Variants in ADAM22 observed in about 807,000 individuals in gnomAD.
The protein encoded by ADAM22 is ADAM metallopeptidase domain 22, also known as disintegrin and metalloproteinase domain-containing protein 22.
A neutral mutation model predicts 144.6 loss-of-function variants in ADAM22; 65 were observed. The observed-to-expected ratio is 0.45, with a 90% CI of 0.37 to 0.55. The LOEUF (loss-of-function observed/expected upper bound fraction) is 0.55. Ranked by LOEUF, ADAM22 falls within the 20% of genes least tolerant of loss-of-function variation. ADAM22 has a pLI of 0.00. For missense variants in ADAM22, 974 were observed against 1,184.9 expected (o/e 0.82, Z 2.61); for synonymous variants, 391 against 412.6 (o/e 0.95, Z 0.63).
At chr7:87,945,793 G>A (rs991626788) in intron 2 of ADAM22, among the ~76,000 whole-genome samples, 15 of 152,248 alleles carry the variant, frequency 9.9e-5, no homozygotes, top group African/African-American at 2.9e-4. Context: ...GATTACAGGC[G>A]TGAACCACCA....
At chr7:87,983,023 C>A (rs1365466129) in intron 3 of ADAM22, among the ~76,000 whole-genome samples, 3 of 151,842 alleles carry the variant, frequency 2.0e-5, no homozygotes, top group Non-Finnish European at 2.9e-5. Flanking sequence ...TTTTTGAAAA[C>A]AATCTCTTCT....
intron 2 of ADAM22, among the ~76,000 whole-genome samples, chr7:87,946,013 T>C (rs115377773): frequency 1.1e-3 from 162 of 152,312 alleles, no homozygotes; most frequent in African/African-American, 3.6e-3. Context: ...TGTGTAAGTG[T>C]TCCCTTTTCT....
chr7:87,976,873 T>C (rs1478626429), intron 2 of ADAM22, among the ~76,000 whole-genome samples: 3 of 151,162 alleles, frequency 2.0e-5, no homozygotes, highest in African/African-American at 2.4e-5. Context: ...TTTATTTCTT[T>C]TTTTTTTTTT....
intron 26 of ADAM22, among the ~76,000 whole-genome samples, chr7:88,176,755 CTTATTTTAT>C (rs768954297): frequency 1.3e-5 from 2 of 151,968 alleles, no homozygotes; most frequent in Admixed American, 6.6e-5. Flanking sequence ...TTATTTTTTA[CTTATTTTAT>C]TTATTTTATT....
At chr7:87,955,272 C>G (rs1455653347) in intron 2 of ADAM22, among the ~76,000 whole-genome samples, 2 of 152,114 alleles carry the variant, frequency 1.3e-5, no homozygotes, top group Non-Finnish European at 2.9e-5. Flanking sequence ...GTTTTATCTA[C>G]TTTTGGTCTT....
Position 88,149,054 on chromosome 7 carries a change from C to G in ADAM22, c.1563C>G (p.Ser521Arg). The G allele has an allele frequency of 6.2e-7, 1 of 1,610,704 alleles. No individual in the cohort carries two copies. Among genetic ancestry groups the G allele is most frequent in the Non-Finnish European group, 8.5e-7 (1 of 1,177,720 alleles). ...GTGAAACGTGCTCAGGAAATTCAAG[C>G]CAGGTAATTTACAAAATAACTGCTC... ...DIRETCSGNS[S>R]QCAPNIHKMD... The change falls in exon 18 of 32, where the codon AGC (serine) becomes AGG (arginine). Residue 521 changes from serine (S) to arginine (R), a missense_variant. Ser to Arg is a moderately radical substitution (Grantham distance 110). Transcript: ENST00000413139.
chr7:88,051,244 A>G (rs979845414), intron 3 of ADAM22, among the ~76,000 whole-genome samples: 5 of 152,362 alleles, frequency 3.3e-5, no homozygotes, highest in African/African-American at 9.6e-5. Context: ...ATAAAGACAC[A>G]TGCACATGTA....
At chr7:88,047,770 T>G (rs1317640231) in intron 3 of ADAM22, among the ~76,000 whole-genome samples, 1 of 152,146 alleles carries the variant, frequency 6.6e-6, no homozygotes, top group Non-Finnish European at 1.5e-5. Context: ...TAGCGGGATC[T>G]TTCACAAAAA....
intron 3 of ADAM22, among the ~76,000 whole-genome samples, chr7:88,065,903 CTA>C (rs1219852133): frequency 2.6e-5 from 4 of 152,082 alleles, no homozygotes; most frequent in Non-Finnish European, 2.9e-5. Context: ...CTACAAAACT[CTA>C]TGCTCACAGC....
intron 3 of ADAM22, among the ~76,000 whole-genome samples, chr7:87,996,301 CAG>C (rs1791214249): frequency 6.6e-6 from 1 of 152,192 alleles, no homozygotes; most frequent in African/African-American, 2.4e-5. Flanking sequence ...AGCTTAAAAA[CAG>C]AAATGTATTC....
At position 88,153,234 on chromosome 7, in the gene ADAM22, A is replaced by G; in HGVS notation, c.1695A>G (p.Ser565=). 6.2e-7 allele frequency: 1 copy of G among 1,613,252 alleles called. No homozygotes were observed. ...KYIWGQKVTA[S]DKYCYEKLNI... ...TTTCTGCCTTAGAGGTGACAGCATC[A>G]GACAAATATTGCTATGAGAAACTGA... is the stretch of plus-strand genomic sequence containing the variant. Residue 565 remains serine, a synonymous_variant, in exon 21 of 32, where the codon TCA becomes TCG. Transcript: ENST00000413139.
At chr7:88,145,731 G>T (rs1273017060) in intron 17 of ADAM22, among the ~76,000 whole-genome samples, 2 of 152,146 alleles carry the variant, frequency 1.3e-5, no homozygotes, top group African/African-American at 4.8e-5. Context: ...TGGTTAAGTA[G>T]TTTGCCCAAG....
intron 7 of ADAM22, among the ~76,000 whole-genome samples, chr7:88,120,140 G>A (rs1259143185): frequency 1.3e-5 from 2 of 151,854 alleles, no homozygotes; most frequent in Admixed American, 6.6e-5. Flanking sequence ...TGCTGGTGCT[G>A]GAATCACACT....
chr7:88,108,543 A>T (rs2129487805), intron 5 of ADAM22, among the ~76,000 whole-genome samples: 1 of 152,216 alleles, frequency 6.6e-6, no homozygotes, highest in East Asian at 1.9e-4. Flanking sequence ...AGCCCAGCCA[A>T]CATGGTGAAA....
At chr7:87,980,046 T>G (rs150393508) in intron 3 of ADAM22, among the ~76,000 whole-genome samples, 3,284 of 152,252 alleles carry the variant, frequency 0.022, 71 homozygotes, top group South Asian at 0.068. Context: ...TCACTTACTT[T>G]GGAGACATCC....
At chr7:88,072,965 T>C (rs17339970) in intron 3 of ADAM22, among the ~76,000 whole-genome samples, 56,302 of 152,068 alleles carry the variant, frequency 0.37, 11,638 homozygotes, top group South Asian at 0.61. Context: ...TATAAGCCCT[T>C]GGAAATTTGT....
At chr7:88,007,338 G>T (rs1398627296) in intron 3 of ADAM22, among the ~76,000 whole-genome samples, 2 of 152,168 alleles carry the variant, frequency 1.3e-5, no homozygotes, top group Non-Finnish European at 2.9e-5. Context: ...GTAATTTATA[G>T]ATTCAATGCC....
Position 88,199,329 on chromosome 7 carries a change from A to C in ADAM22, c.*2838A>C, listed in dbSNP as rs1850984022. On this transcript the variant is annotated 3_prime_UTR_variant, in exon 32 of 32. Coordinates refer to ENST00000413139, the MANE Select transcript of ADAM22 (RefSeq NM_001324418.2). ...TGCCTTTTTCCCCTCTTCCAGTTTT[A>C]TGCATTGATAAGACTACAGATTGGC... The C allele has an allele frequency of 6.6e-6, 1 of 152,150 alleles. No individual in the cohort carries two copies. The highest frequency in any genetic ancestry group is 1.5e-5 in the Non-Finnish European group (1 of 68,042). The allele number at this position is 152,150 out of a possible 1,614,324, so 9.4% of individuals were successfully genotyped here. A position where few individuals can be genotyped will look rare whatever the true frequency, so the allele number is the denominator to read the frequency against.
Position 88,199,392 on chromosome 7 carries a change from T to C in ADAM22, c.*2901T>C, listed in dbSNP as rs1850989680. The stretch of plus-strand genomic sequence containing the variant: ...GAGAAGTTCCATTTATCCATAGTCA[T>C]TGCAGTGCAGTAAACCCTGATTTAA... On this transcript the variant is annotated 3_prime_UTR_variant, in exon 32 of 32. Transcript: ENST00000413139. 1 of 152,352 alleles carries C rather than the reference T, an allele frequency of 6.6e-6. No homozygotes were observed. Among genetic ancestry groups the C allele is most frequent in the African/African-American group, 2.4e-5 (1 of 41,580 alleles). 9.4% of individuals were successfully genotyped at this position (152,352 alleles called of 1,614,324 possible). A position where few individuals can be genotyped will look rare whatever the true frequency, so the allele number is the denominator to read the frequency against.
Sources: allele counts gnomAD v4.1 joint callset (sites outside exome capture counted in the v4.1 genomes callset), GRCh38; gene constraint gnomAD v4.1.1; transcripts MANE v1.5; gene names NCBI Gene and HGNC (gene_info 2026-07-23, HGNC 2026-07-21).